The following COL6A3 variants were observed in gnomAD, a reference collection of about 807,000 sequenced individuals.
COL6A3 encodes the protein collagen type VI alpha 3 chain, also known as collagen alpha-3(VI) chain.
In COL6A3, 137 loss-of-function variants were observed where a neutral mutation model predicts 274.1. The observed-to-expected ratio is 0.50, with a 90% CI of 0.44 to 0.58. COL6A3 has a LOEUF of 0.58. COL6A3 is among the 20% of genes least tolerant of loss of function. The pLI is 0.00. For synonymous variants in COL6A3, 1,650 were observed against 1,650.6 expected (o/e 1.00, Z 0.01); for missense variants, 3,950 against 4,124.9 (o/e 0.96, Z 1.16).
Position 237,407,068 on chromosome 2 carries a change from C to T in COL6A3, c.-31+6885G>A, listed in dbSNP as rs553805752. Among the ~76,000 whole-genome samples the T allele has an allele frequency of 6.6e-6, 1 of 152,064 alleles. No homozygotes were observed. Among genetic ancestry groups the T allele is most frequent in the African/African-American group, 2.4e-5 (1 of 41,468 alleles). On this transcript the variant is annotated intron_variant, in intron 1 of 43. Transcript: ENST00000295550. This position sits in a 1 kb window ranked among gnomAD's most constrained non-coding sequence, Gnocchi z 4.3. The stretch of plus-strand genomic sequence containing the variant: ...AGGACTACAGGTGTGCGCCACCACG[C>T]CTGGCTAATTTTTTTTGAATTTTGG...
At chr2:237,410,458 T>A (rs2078830238) in intron 1 of COL6A3, among the ~76,000 whole-genome samples, 1 of 151,962 alleles carries the variant, frequency 6.6e-6, no homozygotes, top group Non-Finnish European at 1.5e-5. Flanking sequence ...CATGCCACCA[T>A]GCCTGGTTAA....
chr2:237,367,767 A>G (rs1158414396), intron 10 of COL6A3, among the ~76,000 whole-genome samples: 6 of 152,214 alleles, frequency 3.9e-5, no homozygotes, highest in African/African-American at 1.4e-4. Context: ...GAAAATAGGA[A>G]GAGGCCCCTT....
chr2:237,382,383 CA>C (rs576844839), intron 4 of COL6A3, among the ~76,000 whole-genome samples: 13 of 139,714 alleles, frequency 9.3e-5, no homozygotes, highest in South Asian at 2.3e-4. Flanking sequence ...ATTTCATCTC[CA>C]AAAAAAAAAC....
chr2:237,340,452 T>C lies in COL6A3; in HGVS notation c.8464A>G (p.Ser2822Gly). 2 of 1,612,132 alleles carry C rather than the reference T, an allele frequency of 1.2e-6. No individual in the cohort carries two copies. The highest frequency in any genetic ancestry group is 1.7e-6 in the Non-Finnish European group (2 of 1,180,002). The stretch of plus-strand genomic sequence containing the variant: ...ACATGCTGTGCCACGCAGGACTTAC[T>C]GCTGACGAAGGATGGCAACAGCCTC... Reference protein sequence around the residue: ...FGRLLPSFVSSENAFYLSPDI... With the variant: ...FGRLLPSFVSGENAFYLSPDI... The change falls in exon 38 of 44, where the codon AGT (serine) becomes GGT (glycine). Residue 2822 changes from serine to glycine, a missense_variant and splice_region_variant. Ser to Gly is a moderately conservative substitution (Grantham distance 56). Coordinates refer to ENST00000295550, the MANE Select transcript of COL6A3 (RefSeq NM_004369.4).
rs775536678 is a variant in COL6A3, at chr2:237,376,834, C to G, written c.3008G>C (p.Gly1003Ala). ...ATTCACTATCTGTGGATGAAGATCT[C>G]CAATCTTGGGAAGCGACTCTGCAGC... ...ILAAESLPKI[G>A]DLHPQIVNLL... The change falls in exon 7 of 44, where the codon GGA (glycine) becomes GCA (alanine). Residue 1003 changes from glycine (G) to alanine (A), a missense_variant. Physicochemically the swap from Gly to Ala is moderately conservative, Grantham distance 60. Around this residue, in one of 5 missense-constraint regions of COL6A3, gnomAD observed 1,934 missense variants for 1,984.3 expected, o/e 0.97. Coordinates refer to ENST00000295550, the MANE Select transcript of COL6A3 (RefSeq NM_004369.4). 1 of 1,614,202 alleles carries G rather than the reference C, an allele frequency of 6.2e-7. No homozygotes were observed. The highest frequency in any genetic ancestry group is 8.5e-7 in the Non-Finnish European group (1 of 1,180,028).
chr2:237,358,432 C>T (rs376866629), intron 21 of COL6A3, 89 bp downstream of exon 21: 1 of 1,119,682 alleles, frequency 8.9e-7, no homozygotes, highest in African/African-American at 1.5e-5. Flanking sequence ...AAAGCAATTT[C>T]AAAAGTAGAA....
In COL6A3 at chr2:237,336,435, G is replaced by A. The variant is rs1352944056; in HGVS notation, c.8665C>T (p.Pro2889Ser). Reference protein sequence around the residue: ...TTKPVTTTTKPVTTTTKPVTI... With the variant: ...TTKPVTTTTKSVTTTTKPVTI... ...ACAGGCTTTGTTGTGGTGGTTACAGGCTTTGTTGTGGTGGTCACCGGCTTC... is the reference window on the plus strand; with the variant it reads ...ACAGGCTTTGTTGTGGTGGTTACAGACTTTGTTGTGGTGGTCACCGGCTTC... Residue 2889 changes from proline to serine, a missense_variant, in exon 40 of 44, where the codon CCT (proline) becomes TCT (serine). This residue lies in a region of COL6A3 where 1,284 missense variants were observed against 1,349.7 expected (regional missense o/e 0.95). Coordinates refer to ENST00000295550, the MANE Select transcript of COL6A3 (RefSeq NM_004369.4). The A allele has an allele frequency of 6.2e-7, 1 of 1,614,230 alleles. No homozygotes were observed. Among genetic ancestry groups the A allele is most frequent in the South Asian group, 1.1e-5 (1 of 91,078 alleles).
intron 1 of COL6A3, among the ~76,000 whole-genome samples, chr2:237,408,619 CTTCCA>C (rs1414778848): frequency 2.6e-5 from 4 of 152,226 alleles, no homozygotes. Context: ...TGAGCTCTTC[CTTCCA>C]GTGACCAATT....
At chr2:237,410,782 T>A (rs1479727797) in intron 1 of COL6A3, among the ~76,000 whole-genome samples, 1 of 152,198 alleles carries the variant, frequency 6.6e-6, no homozygotes, top group Non-Finnish European at 1.5e-5. Context: ...GCAAGCAACA[T>A]GTTTTATTTA....
intron 38 of COL6A3, 132 bp from the exon 39 acceptor site, chr2:237,339,249 C>A: frequency 1.4e-6 from 1 of 704,722 alleles, no homozygotes; most frequent in South Asian, 1.6e-5. Flanking sequence ...TTAACTATAT[C>A]AGACAAACTA....
chr2:237,348,470 G>T, intron 29 of COL6A3, 86 bp from the exon 30 acceptor site: 2 of 1,363,782 alleles, frequency 1.5e-6, no homozygotes, highest in Non-Finnish European at 2.1e-6. Flanking sequence ...AGAAATGTCT[G>T]CTGAGTCATC....
intron 7 of COL6A3, among the ~76,000 whole-genome samples, chr2:237,375,436 C>T (rs1216598964): frequency 6.6e-6 from 1 of 152,218 alleles, no homozygotes; most frequent in South Asian, 2.1e-4. Context: ...AAGAACACAG[C>T]CTGTTGACAC....
rs1311290838 is a variant in COL6A3, at chr2:237,324,469, C to G, written c.*305G>C. ...TTACATTTGCCTGCAACAGGCATAACATGAAACTCCAGAGGGAATTTGGAT... is the reference window on the plus strand; with the variant it reads ...TTACATTTGCCTGCAACAGGCATAAGATGAAACTCCAGAGGGAATTTGGAT... On this transcript the variant is annotated 3_prime_UTR_variant, in exon 44 of 44. Coordinates refer to ENST00000295550, the MANE Select transcript of COL6A3 (RefSeq NM_004369.4). 1 of 364,112 alleles carries G rather than the reference C, an allele frequency of 2.7e-6. No individual in the cohort carries two copies. The highest frequency in any genetic ancestry group is 2.0e-5 in the African/African-American group (1 of 48,874). The allele number at this position is 364,112 out of a possible 1,614,324, so 22.6% of individuals were successfully genotyped here.
chr2:237,373,710 C>CAA (rs2077754906), intron 8 of COL6A3, among the ~76,000 whole-genome samples: 4 of 152,182 alleles, frequency 2.6e-5, no homozygotes, highest in African/African-American at 9.7e-5. Context: ...TGAACCCCCC[C>CAA]CACCCGAGTG....
chr2:237,393,672 C>T (rs759012275), intron 3 of COL6A3, among the ~76,000 whole-genome samples: 1 of 152,212 alleles, frequency 6.6e-6, no homozygotes, highest in Non-Finnish European at 1.5e-5. Context: ...CTGCCCATCG[C>T]TGATGAGTAA....
intron 3 of COL6A3, among the ~76,000 whole-genome samples, chr2:237,388,849 G>A (rs140561101): frequency 1.3e-5 from 2 of 152,238 alleles, no homozygotes; most frequent in East Asian, 1.9e-4. Flanking sequence ...TGAAATTTTT[G>A]TTGTTCTTTT....
chr2:237,375,050 C>T, intron 7 of COL6A3, 30 bp from the exon 8 acceptor site: 2 of 1,611,908 alleles, frequency 1.2e-6, no homozygotes, highest in Admixed American at 1.7e-5. Context: ...GTAACTCACA[C>T]AGGACATCAG....
Position 237,395,108 on chromosome 2 carries a change from T to C in COL6A3, c.188A>G (p.Tyr63Cys), listed in dbSNP as rs886043105. 2 of 1,614,072 alleles carry C rather than the reference T, an allele frequency of 1.2e-6. No homozygotes were observed. The highest frequency in any genetic ancestry group is 1.7e-6 in the Non-Finnish European group (2 of 1,180,014). The change falls in exon 3 of 44, where the codon TAT becomes TGT. Residue 63 changes from tyrosine (Y) to cysteine (C), a missense_variant. By Grantham distance (194) the Tyr-to-Cys change is radical (BLOSUM62 -2). Around this residue, in one of 5 missense-constraint regions of COL6A3, gnomAD observed 1,934 missense variants for 1,984.3 expected, o/e 0.97. Coordinates refer to ENST00000295550, the MANE Select transcript of COL6A3 (RefSeq NM_004369.4). Reference sequence around the variant, plus strand: ...CACAGCTAAGGATTTTACAACATCATATAGAAACTCTCGAACAAGTTGGAA... The same window carrying C: ...CACAGCTAAGGATTTTACAACATCACATAGAAACTCTCGAACAAGTTGGAA... The part of the protein sequence containing the change: ...EHFQLVREFL[Y>C]DVVKSLAVGE...
At chr2:237,356,939 C>A (rs111864219) in intron 23 of COL6A3, 22 of 270,386 alleles carry the variant, frequency 8.1e-5, no homozygotes, top group Middle Eastern at 1.2e-3. Context: ...AGCATCCCCC[C>A]AAAAACCCAC....
Sources: gnomAD v4.1 joint callset for allele counts (sites outside exome capture counted in the v4.1 genomes callset) on GRCh38, gnomAD v4.1.1 for gene constraint, gnomAD v4.1.1 regional missense constraint, Gnocchi (gnomAD v3.1) non-coding constraint, MANE v1.5 for transcripts, NCBI Gene and HGNC (gene_info 2026-07-23, HGNC 2026-07-21) for gene names.